Variants in ABHD17B observed in about 807,000 individuals in gnomAD.
ABHD17B encodes the protein alpha/beta hydrolase domain-containing protein 17B.
Under a neutral mutation model 26.2 loss-of-function variants are expected in ABHD17B, and 9 were observed. The ratio of observed to expected loss-of-function variants is 0.34; its 90% CI spans 0.21 to 0.60. The LOEUF is 0.60. Among genes scored for constraint, ABHD17B ranks in the 20% least tolerant of loss-of-function variants. The pLI is 0.80. For missense variants in ABHD17B, 224 were observed against 352.1 expected (o/e 0.64, Z 2.91); for synonymous variants, 127 against 122.3 (o/e 1.04, Z -0.25).
chr9:71,883,257 T>C (rs1482323870), intron 1 of ABHD17B, among the ~76,000 whole-genome samples: 2 of 152,212 alleles, frequency 1.3e-5, no homozygotes, highest in Admixed American at 6.5e-5. Context: ...AGCAAAGGTA[T>C]ATACATGTAT....
At chr9:71,882,583 G>A (rs967141099) in intron 1 of ABHD17B, among the ~76,000 whole-genome samples, 6 of 151,788 alleles carry the variant, frequency 4.0e-5, no homozygotes, top group South Asian at 2.1e-4. Flanking sequence ...GCTTGAACTC[G>A]GGAGGCGGAG....
chr9:71,873,368 G>A (rs149324248), intron 2 of ABHD17B, among the ~76,000 whole-genome samples: 1 of 151,890 alleles, frequency 6.6e-6, no homozygotes, highest in Admixed American at 6.6e-5. Flanking sequence ...GACATAGTAA[G>A]AAAATTTTAT....
rs1021487216 is a variant in ABHD17B, at chr9:71,865,989, A to G, written c.*798T>C. ...CTACTGCAATTCTATGAAGACTATG[A>G]GATCAGTCAAAATTTAAAACATCGT... is the stretch of plus-strand genomic sequence containing the variant. On this transcript the variant is annotated 3_prime_UTR_variant, in exon 4 of 4. Transcript: ENST00000333421. 3.0e-6 allele frequency: 3 copies of G among 985,200 alleles called. No individual in the cohort carries two copies. In the African/African-American group the frequency reaches 5.2e-5, roughly 17 times the overall value. 61.0% of individuals were successfully genotyped at this position (985,200 alleles called of 1,614,324 possible).
chr9:71,882,283 T>C (rs1017402471), intron 1 of ABHD17B, among the ~76,000 whole-genome samples: 2 of 152,232 alleles, frequency 1.3e-5, no homozygotes, highest in Non-Finnish European at 2.9e-5. Context: ...ACACAAAAAC[T>C]TGTACATGCA....
chr9:71,903,843 C>T (rs1827210841), intron 1 of ABHD17B, among the ~76,000 whole-genome samples: 1 of 152,096 alleles, frequency 6.6e-6, no homozygotes, highest in African/African-American at 2.4e-5. Context: ...GCTATGAGAA[C>T]AAGTGGGGGG....
At chr9:71,891,594 C>T (rs1257410336) in intron 1 of ABHD17B, among the ~76,000 whole-genome samples, 1 of 152,114 alleles carries the variant, frequency 6.6e-6, no homozygotes, top group Non-Finnish European at 1.5e-5. Context: ...AATTGGGTTT[C>T]CTTTATATTT....
chr9:71,893,234 A>C (rs1826847219), intron 1 of ABHD17B, among the ~76,000 whole-genome samples: 1 of 152,164 alleles, frequency 6.6e-6, no homozygotes, highest in African/African-American at 2.4e-5. Flanking sequence ...AGTGGACACC[A>C]GGTGGGTGTC....
At chr9:71,887,545 A>C (rs1436824324) in intron 1 of ABHD17B, among the ~76,000 whole-genome samples, 2 of 152,208 alleles carry the variant, frequency 1.3e-5, no homozygotes, top group Non-Finnish European at 2.9e-5. Flanking sequence ...ATTACCTAAA[A>C]TTAAATATTC....
intron 1 of ABHD17B, among the ~76,000 whole-genome samples, chr9:71,878,525 T>C (rs1010990803): frequency 2.0e-5 from 3 of 152,152 alleles, no homozygotes; most frequent in African/African-American, 7.2e-5. Context: ...CAGATGAACA[T>C]ATGACTTTCT....
intron 2 of ABHD17B, among the ~76,000 whole-genome samples, chr9:71,873,691 C>T (rs1008206206): frequency 1.3e-5 from 2 of 151,990 alleles, no homozygotes; most frequent in African/African-American, 4.8e-5. Context: ...CCACTGCGCC[C>T]AGACATTTTT....
intron 1 of ABHD17B, among the ~76,000 whole-genome samples, chr9:71,898,329 A>C (rs2132195752): frequency 6.6e-6 from 1 of 152,186 alleles, no homozygotes; most frequent in South Asian, 2.1e-4. Context: ...TGCATGGTGG[A>C]AAGGAAGTAA....
At position 71,889,345 on chromosome 9, in the gene ABHD17B, T is replaced by C. The variant is rs549590315; in HGVS notation, c.-3-14262A>G. ...AAAAAAAAAAAAATCAAACCGCATGTTACACTATTTTTTAAAAGTCTCCTC... is the reference window on the plus strand; with the variant it reads ...AAAAAAAAAAAAATCAAACCGCATGCTACACTATTTTTTAAAAGTCTCCTC... On this transcript the variant is annotated intron_variant, in intron 1 of 3. Transcript: ENST00000333421. 2.6e-5 allele frequency among the ~76,000 whole-genome samples: 4 copies of C among 151,614 alleles called. No individual in the cohort carries two copies. The South Asian group carries it at 8.3e-4, about 32-fold the overall frequency.
chr9:71,877,931 CTG>C (rs1027591244), intron 1 of ABHD17B, among the ~76,000 whole-genome samples: 1 of 152,094 alleles, frequency 6.6e-6, no homozygotes, highest in Admixed American at 6.6e-5. Flanking sequence ...AGCCAGATAA[CTG>C]GGGCTTATTT....
At position 71,865,221 on chromosome 9, in the gene ABHD17B, T is replaced by C. The variant is rs371773698; in HGVS notation, c.*1566A>G. 9.0e-4 allele frequency: 884 copies of C among 985,640 alleles called. 28 individuals carry two copies. The South Asian group carries it at 0.037, about 41-fold the overall frequency. The allele number at this position is 985,640 out of a possible 1,614,324, so 61.1% of individuals were successfully genotyped here. ...ACCAAAGCATTCACAATACTTGATA[T>C]ACTTTGAAGAGAGTCATATACTATA... On this transcript the variant is annotated 3_prime_UTR_variant, in exon 4 of 4. Transcript: ENST00000333421.
chr9:71,875,610 G>A (rs1328165938), intron 1 of ABHD17B, among the ~76,000 whole-genome samples: 4 of 152,008 alleles, frequency 2.6e-5, no homozygotes, highest in Admixed American at 1.3e-4. Flanking sequence ...CTATATGACA[G>A]GTTTCAAATA....
chr9:71,868,663 AAAG>A (rs1176130980), intron 3 of ABHD17B, among the ~76,000 whole-genome samples: 1 of 152,200 alleles, frequency 6.6e-6, no homozygotes, highest in Non-Finnish European at 1.5e-5. Context: ...TAAAAAATAA[AAAG>A]AAGTATATTA....
chr9:71,872,502 T>C (rs1172408457), intron 2 of ABHD17B, among the ~76,000 whole-genome samples: 3 of 152,284 alleles, frequency 2.0e-5, no homozygotes, highest in African/African-American at 2.4e-5. Context: ...AACTGAATAC[T>C]AACATGTTTT....
intron 1 of ABHD17B, among the ~76,000 whole-genome samples, chr9:71,882,104 T>A (rs1826461953): frequency 6.6e-6 from 1 of 152,052 alleles, no homozygotes; most frequent in Admixed American, 6.6e-5. Context: ...CAAAAAGACA[T>A]AATAATAAAG....
chr9:71,864,974 T>C (rs190698849), downstream of ABHD17B, among the ~76,000 whole-genome samples: 3 of 152,246 alleles, frequency 2.0e-5, no homozygotes, highest in South Asian at 4.1e-4. Flanking sequence ...TTGTATGCTG[T>C]ACAAAGAAGA....
Sources: gnomAD v4.1 joint callset for allele counts (sites outside exome capture counted in the v4.1 genomes callset) on GRCh38, gnomAD v4.1.1 for gene constraint, MANE v1.5 for transcripts, NCBI Gene and HGNC (gene_info 2026-07-23, HGNC 2026-07-21) for gene names.